XYLT1: variants seen among roughly 807,000 people sequenced by gnomAD.
The protein encoded by XYLT1 is xylosyltransferase 1.
A neutral mutation model predicts 91.3 loss-of-function variants in XYLT1; 36 were observed. The ratio of observed to expected loss-of-function variants is 0.39; its 90% CI spans 0.30 to 0.52. The LOEUF is 0.52. Ranked by LOEUF, XYLT1 falls within the 20% of genes least tolerant of loss-of-function variation. XYLT1 has a pLI of 0.68. For missense variants in XYLT1, 1,242 were observed against 1,284.5 expected (o/e 0.97, Z 0.51); for synonymous variants, 588 against 532.0 (o/e 1.11, Z -1.45).
At chr16:17,303,879 A>C (rs150192239) in intron 2 of XYLT1, among the ~76,000 whole-genome samples, 1 of 152,342 alleles carries the variant, frequency 6.6e-6, no homozygotes, top group East Asian at 1.9e-4. Flanking sequence ...CTTATCTTAT[A>C]AACACTGTGT....
chr16:17,143,878 TGTC>T (rs1364255328), intron 6 of XYLT1, among the ~76,000 whole-genome samples: 1 of 149,112 alleles, frequency 6.7e-6, no homozygotes, highest in African/African-American at 2.6e-5. Flanking sequence ...TTATCACCAC[TGTC>T]ATCACCACCA....
At chr16:17,124,158 A>G (rs4780712) in intron 10 of XYLT1, among the ~76,000 whole-genome samples, 97,926 of 152,012 alleles carry the variant, frequency 0.64, 32,545 homozygotes, top group Non-Finnish European at 0.71. Flanking sequence ...GTACTATTCT[A>G]TTCATCATAC....
chr16:17,125,367 A>C (rs1348173087), intron 10 of XYLT1, among the ~76,000 whole-genome samples: 1 of 152,054 alleles, frequency 6.6e-6, no homozygotes, highest in Admixed American at 6.6e-5. Context: ...TTTTCCCTCT[A>C]TCTTTCCATT....
chr16:17,207,576 C>G (rs1280884905), intron 3 of XYLT1, among the ~76,000 whole-genome samples: 1 of 152,194 alleles, frequency 6.6e-6, no homozygotes, highest in East Asian at 1.9e-4. Context: ...GTTGAAGACT[C>G]AGGCCTGAGA....
chr16:17,420,826 A>G (rs1247501385), intron 1 of XYLT1, among the ~76,000 whole-genome samples: 1 of 152,206 alleles, frequency 6.6e-6, no homozygotes, highest in Non-Finnish European at 1.5e-5. Flanking sequence ...AACCAAAAAC[A>G]TCACCTTACT....
intron 5 of XYLT1, among the ~76,000 whole-genome samples, chr16:17,178,707 G>T (rs968047414): frequency 5.9e-5 from 9 of 152,176 alleles, no homozygotes; most frequent in Non-Finnish European, 1.0e-4. Flanking sequence ...TACAACAGCA[G>T]AGTTTCGTCA....
chr16:17,138,805 A>ATGT (rs2030869249), intron 7 of XYLT1: 2 of 349,126 alleles, frequency 5.7e-6, no homozygotes, highest in Non-Finnish European at 1.1e-5. Context: ...AGGGACTCTT[A>ATGT]TGTTCTCTGC....
intron 1 of XYLT1, among the ~76,000 whole-genome samples, chr16:17,377,175 T>TCACACACACACACACA (rs376242678): frequency 1.3e-3 from 197 of 150,930 alleles, no homozygotes; most frequent in African/African-American, 4.2e-3. Flanking sequence ...AGACTCTGCC[T>TCACACACACACACACA]CACACACACA....
At chr16:17,160,267 C>A (rs944383207) in intron 5 of XYLT1, among the ~76,000 whole-genome samples, 1 of 152,156 alleles carries the variant, frequency 6.6e-6, no homozygotes, top group African/African-American at 2.4e-5. Context: ...ACTGAATGGA[C>A]AACTGGGTGG....
At chr16:17,399,689 T>C (rs1024515670) in intron 1 of XYLT1, among the ~76,000 whole-genome samples, 31 of 152,130 alleles carry the variant, frequency 2.0e-4, no homozygotes, top group African/African-American at 7.0e-4. Flanking sequence ...TTCATCCCCT[T>C]AACCTGCCAC....
chr16:17,168,768 C>T (rs911250144), intron 5 of XYLT1, among the ~76,000 whole-genome samples: 1 of 152,102 alleles, frequency 6.6e-6, no homozygotes, highest in African/African-American at 2.4e-5. Flanking sequence ...AAAATGCTGG[C>T]CCGGCCTCCA....
At chr16:17,154,811 T>C (rs1342574596) in intron 6 of XYLT1, among the ~76,000 whole-genome samples, 3 of 152,156 alleles carry the variant, frequency 2.0e-5, no homozygotes, top group East Asian at 1.9e-4. Flanking sequence ...CTGCTAAAGG[T>C]TGGAGATGAA....
At chr16:17,300,862 G>A (rs116554047) in intron 2 of XYLT1, among the ~76,000 whole-genome samples, 375 of 152,152 alleles carry the variant, frequency 2.5e-3, no homozygotes, top group African/African-American at 8.6e-3. Context: ...AAAATAACAC[G>A]TACAGTTTGC....
At chr16:17,341,733 A>G (rs4782000) in intron 2 of XYLT1, among the ~76,000 whole-genome samples, 97,288 of 152,136 alleles carry the variant, frequency 0.64, 32,065 homozygotes, top group African/African-American at 0.77. Flanking sequence ...CTTTTGAATC[A>G]TTTAATTGTT....
intron 5 of XYLT1, among the ~76,000 whole-genome samples, chr16:17,196,929 T>C (rs1223423006): frequency 6.6e-6 from 1 of 151,018 alleles, no homozygotes; most frequent in African/African-American, 2.5e-5. Flanking sequence ...GAGAATCACT[T>C]GAACCTGGTG....
chr16:17,127,806 A>T lies in XYLT1; in HGVS notation c.2083T>A (p.Phe695Ile), dbSNP rs1340508384. 1 of 1,614,020 alleles carries T rather than the reference A, an allele frequency of 6.2e-7. No individual in the cohort carries two copies. Among genetic ancestry groups the T allele is most frequent in the African/African-American group, 1.3e-5 (1 of 74,924 alleles). Residue 695 changes from phenylalanine (F) to isoleucine (I), a missense_variant, in exon 10 of 12, where the codon TTC becomes ATC. By Grantham distance (21) the Phe-to-Ile change is conservative (BLOSUM62 0). Transcript: ENST00000261381. The stretch of plus-strand genomic sequence containing the variant: ...TGATGCTTGATCAGAAAGCCCTGGA[A>T]GCGGTCAGCAAGGAAGTAGAGGTGC... ...SVHLYFLADR[F>I]QGFLIKHHAT...
intron 1 of XYLT1, among the ~76,000 whole-genome samples, chr16:17,467,431 A>G (rs1234859649): frequency 6.6e-6 from 1 of 152,132 alleles, no homozygotes. Flanking sequence ...AAATTCTGAG[A>G]TGACAGTAAA....
rs778850750 is a variant in XYLT1 at position 17,259,455 on chromosome 16, T to C, written c.446A>G (p.Asp149Gly). 6.2e-7 allele frequency: 1 copy of C among 1,613,258 alleles called. No homozygotes were observed. Among genetic ancestry groups the C allele is most frequent in the Non-Finnish European group, 8.5e-7 (1 of 1,179,882 alleles). The change falls in exon 3 of 12, where the codon GAC (aspartate) becomes GGC (glycine). Residue 149 changes from aspartate to glycine, a missense_variant. Around this residue, in one of 3 missense-constraint regions of XYLT1, gnomAD observed 437 missense variants for 411.5 expected, o/e 1.06. Transcript: ENST00000261381. ...GGGGACAGAGTTCTCGTTGTTGCTG[T>C]CTGTTCGCACTTTCTCTTTCGGCCG... ...SHRPKEKVRT[D>G]SNNENSVPKD...
At position 17,181,002 on chromosome 16, in the gene XYLT1, G is replaced by A. The variant is rs547351446; in HGVS notation, c.1289+17210C>T. Among the ~76,000 whole-genome samples, 21 of 152,336 alleles carry A rather than the reference G, an allele frequency of 1.4e-4. No homozygotes were observed. The South Asian group carries it at 4.1e-3, about 30-fold the overall frequency. ...GCATGGGGATGGGGTGAGGGTTGGTGAGGCTGGGAATTGGAAGGAAGTTTC... is the reference window on the plus strand; with the variant it reads ...GCATGGGGATGGGGTGAGGGTTGGTAAGGCTGGGAATTGGAAGGAAGTTTC... On this transcript the variant is annotated intron_variant, in intron 5 of 11. Coordinates refer to ENST00000261381, the MANE Select transcript of XYLT1 (RefSeq NM_022166.4).
Sources: gnomAD v4.1 joint callset for allele counts (sites outside exome capture counted in the v4.1 genomes callset) on GRCh38, gnomAD v4.1.1 for gene constraint, gnomAD v4.1.1 regional missense constraint, MANE v1.5 for transcripts, NCBI Gene and HGNC (gene_info 2026-07-23, HGNC 2026-07-21) for gene names.